The following BMAL1 variants were observed in gnomAD, a reference collection of about 807,000 sequenced individuals.
BMAL1 encodes basic helix-loop-helix ARNT like 1, also known as basic helix-loop-helix ARNT-like protein 1.
At chr11:13,384,164 G>C in the BMAL1 span, among the ~76,000 whole-genome samples, 2 of 152,108 alleles carry the variant, frequency 1.3e-5, no homozygotes, top group Non-Finnish European at 2.9e-5. Context: ...GAAAATGACT[G>C]ACATTTGTTG....
the BMAL1 span, chr11:13,379,480 TGA>T: frequency 6.6e-6 from 1 of 152,190 alleles, no homozygotes; most frequent in South Asian, 2.1e-4. Context: ...GAAGGAGACA[TGA>T]GGGTAGTGTG....
At chr11:13,301,778 C>T in the BMAL1 span, among the ~76,000 whole-genome samples, 1 of 152,138 alleles carries the variant, frequency 6.6e-6, no homozygotes, top group Non-Finnish European at 1.5e-5. Context: ...GTTCTAAGAG[C>T]TTTATATGTA....
At chr11:13,380,016 A>G in the BMAL1 span, 1 of 152,268 alleles carries the variant, frequency 6.6e-6, no homozygotes, top group Admixed American at 6.5e-5. Context: ...ATGAGGCCTT[A>G]TCCTACAGAG....
chr11:13,358,045 C>T, the BMAL1 span, among the ~76,000 whole-genome samples: 5 of 152,330 alleles, frequency 3.3e-5, no homozygotes, highest in Admixed American at 2.0e-4. Flanking sequence ...TCAGGGACAG[C>T]CCACGGGGCT....
chr11:13,291,769 C>G, the BMAL1 span, among the ~76,000 whole-genome samples: 1 of 142,274 alleles, frequency 7.0e-6, no homozygotes, highest in Non-Finnish European at 1.5e-5. Flanking sequence ...AATAAAAGGT[C>G]ACATGATTGG....
chr11:13,329,004 T>C, the BMAL1 span, among the ~76,000 whole-genome samples: 4 of 152,214 alleles, frequency 2.6e-5, no homozygotes, highest in African/African-American at 9.7e-5. Context: ...ATTTGCTTTT[T>C]TTCAGTTAAT....
chr11:13,375,625 A>G, the BMAL1 span: 1 of 1,576,586 alleles, frequency 6.3e-7, no homozygotes, highest in East Asian at 2.3e-5. Flanking sequence ...TACAGACGAG[A>G]GAAAAAATTA....
chr11:13,385,800 C>T, the BMAL1 span: 16 of 1,594,280 alleles, frequency 1.0e-5, no homozygotes, highest in African/African-American at 2.7e-5. Context: ...TGGTAAGTGG[C>T]ATCATTATTC....
chr11:13,386,766 G>T, the BMAL1 span: 1 of 1,612,374 alleles, frequency 6.2e-7, no homozygotes, highest in South Asian at 1.1e-5. Context: ...AACACTACAT[G>T]TTGCTTTGGC....
the BMAL1 span, among the ~76,000 whole-genome samples, chr11:13,374,361 T>G: frequency 6.6e-6 from 1 of 152,248 alleles, no homozygotes; most frequent in Non-Finnish European, 1.5e-5. Context: ...AGCTGATACC[T>G]GCAGGCACTG....
chr11:13,279,592 G>A, the BMAL1 span, among the ~76,000 whole-genome samples: 1 of 152,054 alleles, frequency 6.6e-6, no homozygotes, highest in Non-Finnish European at 1.5e-5. Flanking sequence ...AAAAAAATTC[G>A]CTGGTGTTAT....
chr11:13,288,452 A>G, the BMAL1 span, among the ~76,000 whole-genome samples: 1 of 23,544 alleles, frequency 4.2e-5, no homozygotes, highest in African/African-American at 1.5e-4. Context: ...ATGGACACTG[A>G]GATTGGGGGT....
At chr11:13,337,625 A>G in the BMAL1 span, among the ~76,000 whole-genome samples, 3 of 152,188 alleles carry the variant, frequency 2.0e-5, no homozygotes, top group Non-Finnish European at 4.4e-5. Flanking sequence ...TTTAAATAGA[A>G]TCTTTGCTAA....
the BMAL1 span, among the ~76,000 whole-genome samples, chr11:13,326,080 G>C: frequency 5.9e-5 from 9 of 151,940 alleles, no homozygotes; most frequent in Non-Finnish European, 1.0e-4. Context: ...GCACACGCCT[G>C]TAGTCCCAGC....
the BMAL1 span, among the ~76,000 whole-genome samples, chr11:13,295,802 T>C: frequency 6.6e-6 from 1 of 152,216 alleles, no homozygotes; most frequent in Admixed American, 6.5e-5. Flanking sequence ...TTTTCAACTT[T>C]TAATGAGTTA....
chr11:13,335,082 A>T, the BMAL1 span, among the ~76,000 whole-genome samples: 1 of 152,210 alleles, frequency 6.6e-6, no homozygotes, highest in Non-Finnish European at 1.5e-5. Flanking sequence ...TGTAAAAAGC[A>T]CTGGATAAAA....
chr11:13,315,149 C>T, the BMAL1 span, among the ~76,000 whole-genome samples: 2 of 152,210 alleles, frequency 1.3e-5, no homozygotes, highest in African/African-American at 4.8e-5. Context: ...CAGACCAGGA[C>T]ACTCCAGCAG....
the BMAL1 span, among the ~76,000 whole-genome samples, chr11:13,297,371 T>C: frequency 1.1e-4 from 16 of 152,224 alleles, no homozygotes; most frequent in Admixed American, 8.5e-4. Flanking sequence ...CCTGGCATCA[T>C]AGGAAGCCTC....
chr11:13,307,306 T>C, the BMAL1 span, among the ~76,000 whole-genome samples: 504 of 152,174 alleles, frequency 3.3e-3, 2 homozygotes, highest in African/African-American at 0.011. Flanking sequence ...CTGTATGGGG[T>C]TGTGATTGGA....
Sources: gnomAD v4.1 joint callset for allele counts (sites outside exome capture counted in the v4.1 genomes callset) on GRCh38, gnomAD v4.1.1 for gene constraint, MANE v1.5 for transcripts, NCBI Gene and HGNC (gene_info 2026-07-23, HGNC 2026-07-21) for gene names.